DPP10: variants seen among roughly 807,000 people sequenced by gnomAD.
The protein encoded by DPP10 is inactive dipeptidyl peptidase 10.
In DPP10, 33 loss-of-function variants were observed where a neutral mutation model predicts 120.9. That is an observed-to-expected ratio of 0.27 (90% CI 0.21 to 0.37). The LOEUF is 0.37. DPP10 is among the 10% of genes least tolerant of loss of function. The pLI is 1.00. For synonymous variants in DPP10, 337 were observed against 326.1 expected, an observed-to-expected ratio of 1.03 and a Z score of -0.36; for missense variants, 816 against 942.8, an observed-to-expected ratio of 0.87 and a Z score of 1.76.
chr2:114,707,340 A>G (rs1700747048), intron 1 of DPP10, among the ~76,000 whole-genome samples: 1 of 152,234 alleles, frequency 6.6e-6, no homozygotes, highest in African/African-American at 2.4e-5. Flanking sequence ...TGGTAATCTA[A>G]TCAGATATAA....
chr2:114,959,654 G>T (rs574715302), intron 1 of DPP10, among the ~76,000 whole-genome samples: 4 of 152,286 alleles, frequency 2.6e-5, no homozygotes, highest in African/African-American at 9.6e-5. Flanking sequence ...CCGCCAAACT[G>T]TTTTTTAAAC....
chr2:115,838,210 G>A (rs914532346), intron 24 of DPP10, among the ~76,000 whole-genome samples: 1 of 152,088 alleles, frequency 6.6e-6, no homozygotes, highest in Admixed American at 6.5e-5. Context: ...ACCAGTGTTG[G>A]GTGAAACATG....
At chr2:115,758,556 A>G (rs1450860384) in intron 11 of DPP10, among the ~76,000 whole-genome samples, 3 of 152,100 alleles carry the variant, frequency 2.0e-5, no homozygotes, top group Non-Finnish European at 4.4e-5. Flanking sequence ...TATAATACCA[A>G]TTAAAGTCCC....
At chr2:115,438,682 C>A (rs2104843738) in intron 3 of DPP10, among the ~76,000 whole-genome samples, 1 of 152,230 alleles carries the variant, frequency 6.6e-6, no homozygotes, top group African/African-American at 2.4e-5. Flanking sequence ...CACTATGTAC[C>A]TAACACAGTC....
intron 21 of DPP10, 34 bp downstream of exon 21, chr2:115,815,763 T>C: frequency 6.4e-7 from 1 of 1,563,944 alleles, no homozygotes; most frequent in Non-Finnish European, 8.7e-7. Context: ...TATCTTTTTA[T>C]GCGTATCTAT....
chr2:114,829,777 G>T (rs967437537), intron 1 of DPP10, among the ~76,000 whole-genome samples: 2 of 151,910 alleles, frequency 1.3e-5, no homozygotes, highest in Non-Finnish European at 2.9e-5. Context: ...TTTTTTCAAG[G>T]TTCCTAAAAT....
chr2:115,206,637 T>G (rs905575036), intron 1 of DPP10, among the ~76,000 whole-genome samples: 1 of 152,150 alleles, frequency 6.6e-6, no homozygotes, highest in Non-Finnish European at 1.5e-5. Flanking sequence ...CATGGAAAAT[T>G]TGAGCATCAT....
chr2:115,367,216 G>GT (rs890918268), intron 3 of DPP10, among the ~76,000 whole-genome samples: 13 of 151,752 alleles, frequency 8.6e-5, no homozygotes, highest in South Asian at 4.2e-4. Flanking sequence ...ATGGCATAGA[G>GT]TTTTTTTTAT....
chr2:115,563,068 A>G (rs766758385), intron 5 of DPP10, among the ~76,000 whole-genome samples: 1 of 152,230 alleles, frequency 6.6e-6, no homozygotes, highest in Non-Finnish European at 1.5e-5. Context: ...GTAACAATGT[A>G]TGTCTCCTTT....
At chr2:114,811,675 C>T (rs1478947435) in intron 1 of DPP10, among the ~76,000 whole-genome samples, 2 of 152,064 alleles carry the variant, frequency 1.3e-5, no homozygotes, top group African/African-American at 2.4e-5. Context: ...ACCACCATCA[C>T]CCCTTACTCC....
intron 8 of DPP10, among the ~76,000 whole-genome samples, chr2:115,734,303 T>G (rs75246763): frequency 0.031 from 4,663 of 152,208 alleles, 115 homozygotes; most frequent in Non-Finnish European, 0.049. Flanking sequence ...TTCTTAGAAA[T>G]CTAGAGTATT....
chr2:115,537,553 A>T (rs1288151577), intron 5 of DPP10, among the ~76,000 whole-genome samples: 2 of 141,564 alleles, frequency 1.4e-5, no homozygotes, highest in African/African-American at 5.1e-5. Context: ...TTTACTTGAG[A>T]CACATCACTG....
intron 5 of DPP10, among the ~76,000 whole-genome samples, chr2:115,538,609 TA>T (rs2079003479): frequency 6.6e-6 from 1 of 151,994 alleles, no homozygotes; most frequent in Non-Finnish European, 1.5e-5. Flanking sequence ...ATGCATTTTA[TA>T]AAAATCTGGC....
intron 3 of DPP10, among the ~76,000 whole-genome samples, chr2:115,431,777 TC>T (rs2071009257): frequency 6.6e-6 from 1 of 152,060 alleles, no homozygotes; most frequent in Non-Finnish European, 1.5e-5. Flanking sequence ...CCCAATATTG[TC>T]CCTTCACTCC....
chr2:114,773,538 A>G (rs1469997626), intron 1 of DPP10, among the ~76,000 whole-genome samples: 1 of 152,208 alleles, frequency 6.6e-6, no homozygotes, highest in Non-Finnish European at 1.5e-5. Flanking sequence ...CACAATGCAG[A>G]CTCAATAAAC....
intron 1 of DPP10, among the ~76,000 whole-genome samples, chr2:114,455,837 C>T (rs943552387): frequency 1.1e-4 from 17 of 151,340 alleles, no homozygotes; most frequent in African/African-American, 2.7e-4. Context: ...TCTAATATTT[C>T]CAGATAGGCA....
chr2:115,365,747 T>G lies in DPP10; in HGVS notation c.271+21835T>G, dbSNP rs1007979613. On this transcript the variant is annotated intron_variant, in intron 3 of 25. Coordinates refer to ENST00000410059, the MANE Select transcript of DPP10 (RefSeq NM_020868.6). The stretch of plus-strand genomic sequence containing the variant: ...GGCCCAGTCCAGTGCTTAAAACATT[T>G]TAATGTTCAATTAATTTTATTTGAG... 2.6e-5 allele frequency among the ~76,000 whole-genome samples: 4 copies of G among 152,158 alleles called. No homozygotes were observed. The East Asian group carries it at 7.7e-4, about 29-fold the overall frequency.
intron 1 of DPP10, among the ~76,000 whole-genome samples, chr2:114,989,486 G>A (rs985877888): frequency 3.9e-5 from 6 of 152,166 alleles, no homozygotes; most frequent in African/African-American, 1.4e-4. Context: ...ATATATGTCT[G>A]GAAAGATTGT....
chr2:114,468,397 C>CAAAAAAAAAAAAAAAAAAAAAAAA (rs71297186), intron 1 of DPP10, among the ~76,000 whole-genome samples: 4 of 69,560 alleles, frequency 5.8e-5, no homozygotes, highest in Admixed American at 1.9e-4. Context: ...GCTTACAATG[C>CAAAAAAAAAAAAAAAAAAAAAAAA]AAAAAAAAAA....
Sources: gnomAD v4.1 joint callset for allele counts (sites outside exome capture counted in the v4.1 genomes callset) on GRCh38, gnomAD v4.1.1 for gene constraint, MANE v1.5 for transcripts, NCBI Gene and HGNC (gene_info 2026-07-23, HGNC 2026-07-21) for gene names.